CYTH1: variants seen among roughly 807,000 people sequenced by gnomAD.
CYTH1 encodes cytohesin-1.
In CYTH1, 18 loss-of-function variants were observed where a neutral mutation model predicts 61.8. That is an observed-to-expected ratio of 0.29 (90% confidence interval 0.20 to 0.43). CYTH1 has a LOEUF of 0.43. Among genes scored for constraint, CYTH1 ranks in the 20% least tolerant of loss-of-function variants. The pLI, the probability that CYTH1 is intolerant of heterozygous loss-of-function variation, is 1.00. For synonymous variants in CYTH1, 174 were observed against 184.3 expected (o/e 0.94, Z 0.45); for missense variants, 336 against 510.5 (o/e 0.66, Z 3.29).
At chr17:78,741,020 A>G (rs2093339895) in intron 1 of CYTH1, among the ~76,000 whole-genome samples, 1 of 152,244 alleles carries the variant, frequency 6.6e-6, no homozygotes. Context: ...AACATACAGG[A>G]GCTAGCACAG....
rs2093095013 is a variant in CYTH1 at position 78,708,702 on chromosome 17, A to T, written c.106-441T>A. ...CTGTGCCAGGGCAACAATGCCACCA[A>T]GCGGCTGGCAAAGGGAATGTCTGAT... is the stretch of plus-strand genomic sequence containing the variant. On this transcript the variant is annotated intron_variant, in intron 2 of 13. Coordinates refer to ENST00000446868, the MANE Select transcript of CYTH1 (RefSeq NM_004762.6). Among the ~76,000 whole-genome samples, 4 of 152,356 alleles carry T rather than the reference A, an allele frequency of 2.6e-5. No individual in the cohort carries two copies. The South Asian group carries it at 8.3e-4, about 32-fold the overall frequency.
chr17:78,698,367 C>T lies in CYTH1; in HGVS notation c.713G>A (p.Ser238Asn). 1 of 1,611,308 alleles carries T rather than the reference C, an allele frequency of 6.2e-7. No homozygotes were observed. The highest frequency in any genetic ancestry group is 8.5e-7 in the Non-Finnish European group (1 of 1,178,126). The change falls in exon 9 of 14, where the codon AGC becomes AAC. Residue 238 changes from serine to asparagine, a missense_variant. Transcript: ENST00000446868. The stretch of plus-strand genomic sequence containing the variant: ...GATTTTAAAGGGTTCATTTTTTATG[C>T]TCTCATAGAGATTCTGGGATAAAAG... ...PEELLRNLYESIKNEPFKIPE... is the reference protein window; with the variant it reads ...PEELLRNLYENIKNEPFKIPE...
intron 7 of CYTH1, among the ~76,000 whole-genome samples, chr17:78,699,480 T>A (rs2092985751): frequency 6.6e-6 from 1 of 152,176 alleles, no homozygotes; most frequent in East Asian, 1.9e-4. Flanking sequence ...TATAAAGTAT[T>A]CAAGACTTAA....
chr17:78,761,310 T>C (rs2093427717), intron 1 of CYTH1, among the ~76,000 whole-genome samples: 2 of 152,234 alleles, frequency 1.3e-5, no homozygotes, highest in African/African-American at 4.8e-5. Context: ...CTGCTTTTTC[T>C]AGTCCTGCTC....
chr17:78,693,630 GA>G lies in CYTH1; in HGVS notation c.815-1138del, dbSNP rs900604219. Among the ~76,000 whole-genome samples the G allele has an allele frequency of 6.3e-5, 7 of 110,408 alleles. No individual in the cohort carries two copies. The East Asian group carries it at 7.6e-4, about 12-fold the overall frequency. The allele number at this position is 110,408 out of a possible 152,430, so 72.4% of individuals were successfully genotyped here. A position where few individuals can be genotyped will look rare whatever the true frequency, so the allele number is the denominator to read the frequency against. ...AGGGAGACTCCCTCTCAAAAAAAAA[GA>G]AAAAAAAAAGAAAAAAAAAAAAGTT... On this transcript the variant is annotated intron_variant, in intron 10 of 13. Coordinates refer to ENST00000446868, the MANE Select transcript of CYTH1 (RefSeq NM_004762.6).
intron 11 of CYTH1, 134 bp from the exon 12 acceptor site, chr17:78,681,176 A>G: frequency 2.5e-6 from 2 of 807,252 alleles, no homozygotes; most frequent in South Asian, 1.6e-5. Context: ...GCCTGAGGGA[A>G]CTCCTTACAT....
intron 1 of CYTH1, among the ~76,000 whole-genome samples, chr17:78,711,660 A>G (rs1451746092): frequency 6.6e-6 from 1 of 152,016 alleles, no homozygotes; most frequent in Non-Finnish European, 1.5e-5. Flanking sequence ...GACTACAGTG[A>G]AGTGTACAGT....
intron 1 of CYTH1, among the ~76,000 whole-genome samples, chr17:78,767,814 T>C (rs2093455210): frequency 6.6e-6 from 1 of 152,128 alleles, no homozygotes; most frequent in Admixed American, 6.5e-5. Context: ...TGATGGGATA[T>C]CCAAGGGGAA....
At chr17:78,720,396 G>A (rs1483537621) in intron 1 of CYTH1, among the ~76,000 whole-genome samples, 1 of 152,144 alleles carries the variant, frequency 6.6e-6, no homozygotes, top group African/African-American at 2.4e-5. Context: ...TCAGCTCACT[G>A]CAACCTCTGC....
At chr17:78,745,602 TCCA>T (rs1162653673) in intron 1 of CYTH1, among the ~76,000 whole-genome samples, 1 of 152,166 alleles carries the variant, frequency 6.6e-6, no homozygotes, top group Non-Finnish European at 1.5e-5. Flanking sequence ...ACCAAAAAAT[TCCA>T]TTACCTGGCT....
At chr17:78,773,159 C>T (rs1241934468) in intron 1 of CYTH1, among the ~76,000 whole-genome samples, 1 of 151,080 alleles carries the variant, frequency 6.6e-6, no homozygotes, top group Non-Finnish European at 1.5e-5. Flanking sequence ...ATCATTATAA[C>T]CCAGACCAAT....
At chr17:78,708,307 T>C in intron 2 of CYTH1, 46 bp from the exon 3 acceptor site, 2 of 1,559,192 alleles carry the variant, frequency 1.3e-6, no homozygotes, top group East Asian at 2.3e-5. Context: ...CAGATGCAGA[T>C]CAAATTAAAA....
intron 1 of CYTH1, among the ~76,000 whole-genome samples, chr17:78,770,567 C>T (rs1035448624): frequency 1.3e-5 from 2 of 151,828 alleles, no homozygotes; most frequent in Non-Finnish European, 2.9e-5. Flanking sequence ...TACAGGCGTG[C>T]GCCATCACGC....
At chr17:78,762,242 A>T (rs1481274483) in intron 1 of CYTH1, among the ~76,000 whole-genome samples, 1 of 152,186 alleles carries the variant, frequency 6.6e-6, no homozygotes, top group African/African-American at 2.4e-5. Context: ...CTGTTCCGGT[A>T]ATTTGATGAC....
chr17:78,759,361 C>T (rs774104992), intron 1 of CYTH1, among the ~76,000 whole-genome samples: 2 of 152,166 alleles, frequency 1.3e-5, no homozygotes, highest in Non-Finnish European at 2.9e-5. Context: ...TTTCATCCAA[C>T]GGGGTAGGCA....
chr17:78,682,162 G>A (rs2092771117), intron 11 of CYTH1, among the ~76,000 whole-genome samples: 1 of 151,970 alleles, frequency 6.6e-6, no homozygotes, highest in South Asian at 2.1e-4. Context: ...TTTCTCTTCC[G>A]ACCTGTGCCA....
rs60663636 is a variant in CYTH1, at chr17:78,690,393, C to CAAAAAAAAAAAAAAAAAAAAAAAA, written c.891+2000_891+2023dup. ...TGGGCAACAGAGCGAGACTCCATCT[C>CAAAAAAAAAAAAAAAAAAAAAAAA]AAAAAAAAAAAAAAAAAAAAAAAAA... On this transcript the variant is annotated intron_variant, in intron 11 of 13. Transcript: ENST00000446868. Among the ~76,000 whole-genome samples, 7 of 28,314 alleles carry CAAAAAAAAAAAAAAAAAAAAAAAA rather than the reference C, an allele frequency of 2.5e-4. 2 individuals carry two copies. The highest frequency in any genetic ancestry group is 5.5e-4 in the Admixed American group (1 of 1,824). The allele number at this position is 28,314 out of a possible 152,430, so 18.6% of individuals were successfully genotyped here. A position where few individuals can be genotyped will look rare whatever the true frequency, so the allele number is the denominator to read the frequency against.
Position 78,698,339 on chromosome 17 carries a change from T to C in CYTH1, c.741A>G (p.Pro247=). The C allele has an allele frequency of 6.2e-7, 1 of 1,613,278 alleles. No individual in the cohort carries two copies. The highest frequency in any genetic ancestry group is 8.5e-7 in the Non-Finnish European group (1 of 1,179,804). Residue 247 remains proline (P), a synonymous_variant, in exon 9 of 14, where the codon CCA becomes CCG. Transcript: ENST00000446868. ...GAGTGAGGTCATTCCCGTCGTCTTCTGGGATTTTAAAGGGTTCATTTTTTA... is the reference window on the plus strand; with the variant it reads ...GAGTGAGGTCATTCCCGTCGTCTTCCGGGATTTTAAAGGGTTCATTTTTTA... ...ESIKNEPFKI[P]EDDGNDLTHT... is the part of the protein sequence containing the mutation.
chr17:78,676,092 C>T lies in CYTH1; in HGVS notation c.1196G>A (p.Ter399=). The change falls in exon 14 of 14, where the codon TGA becomes TAA. Residue 399 remains the stop codon, a stop_retained_variant. Transcript: ENST00000446868. ...AGACCAACGCCCTTGGCTGCACGCT[C>T]AGTGTCGCTTCGTGGAGGAGACCTT... The part of the protein sequence containing the change: ...KKKVSSTKRH[*] The T allele has an allele frequency of 1.2e-6, 2 of 1,607,252 alleles. No individual in the cohort carries two copies. Among genetic ancestry groups the T allele is most frequent in the South Asian group, 1.1e-5 (1 of 89,258 alleles).
Sources: gnomAD v4.1 joint callset for allele counts (sites outside exome capture counted in the v4.1 genomes callset) on GRCh38, gnomAD v4.1.1 for gene constraint, MANE v1.5 for transcripts, NCBI Gene and HGNC (gene_info 2026-07-23, HGNC 2026-07-21) for gene names.